Variants in RBFOX2 observed in about 807,000 individuals in gnomAD.
The protein encoded by RBFOX2 is RNA binding fox-1 homolog 2, also known as RNA binding protein fox-1 homolog 2.
RBFOX2 carries 10 observed loss-of-function variants against 49.1 expected under a neutral mutation model. The observed-to-expected ratio is 0.20, with a 90% CI of 0.13 to 0.35. The LOEUF is 0.35. Among genes scored for constraint, RBFOX2 ranks in the 10% least tolerant of loss-of-function variants. RBFOX2 has a pLI of 1.00. For synonymous variants in RBFOX2, 183 were observed against 187.4 expected (o/e 0.98, Z 0.19); for missense variants, 323 against 486.9 (o/e 0.66, Z 3.17).
chr22:35,988,268 C>T (rs1453585586), intron 1 of RBFOX2, among the ~76,000 whole-genome samples: 1 of 152,156 alleles, frequency 6.6e-6, no homozygotes, highest in Non-Finnish European at 1.5e-5. Flanking sequence ...ATCCTATAAT[C>T]CATACAACCA....
At chr22:35,869,768 T>C (rs1032568621) in intron 1 of RBFOX2, among the ~76,000 whole-genome samples, 1 of 152,220 alleles carries the variant, frequency 6.6e-6, no homozygotes, top group Non-Finnish European at 1.5e-5. Flanking sequence ...TCTAATGACA[T>C]ACTTCTACTG....
chr22:35,846,928 G>A (rs1265523774), intron 1 of RBFOX2, among the ~76,000 whole-genome samples: 1 of 152,070 alleles, frequency 6.6e-6, no homozygotes, highest in Non-Finnish European at 1.5e-5. Flanking sequence ...TTCACCACTT[G>A]GATGACAGGT....
chr22:35,753,505 A>T (rs1935725755), intron 9 of RBFOX2, among the ~76,000 whole-genome samples: 1 of 152,206 alleles, frequency 6.6e-6, no homozygotes, highest in Admixed American at 6.5e-5. Flanking sequence ...ATAAGAACTA[A>T]GAAATAATAA....
chr22:35,989,348 G>C (rs944336963), intron 1 of RBFOX2, among the ~76,000 whole-genome samples: 3 of 152,216 alleles, frequency 2.0e-5, no homozygotes, highest in Non-Finnish European at 4.4e-5. Context: ...CTGGCAGACA[G>C]AGGGAGAAAT....
intron 1 of RBFOX2, among the ~76,000 whole-genome samples, chr22:35,990,046 G>C (rs539222648): frequency 6.6e-6 from 1 of 152,274 alleles, no homozygotes; most frequent in Admixed American, 6.5e-5. Context: ...AGCTGGGCAT[G>C]GTAGCACACA....
At chr22:35,813,316 A>C (rs1031156143) in intron 1 of RBFOX2, among the ~76,000 whole-genome samples, 3 of 152,240 alleles carry the variant, frequency 2.0e-5, no homozygotes, top group Non-Finnish European at 2.9e-5. Flanking sequence ...TCAGAAGAGA[A>C]GTACAACAGC....
At chr22:35,772,326 C>T (rs886477608) in intron 4 of RBFOX2, among the ~76,000 whole-genome samples, 2 of 152,062 alleles carry the variant, frequency 1.3e-5, no homozygotes, top group Admixed American at 1.3e-4. Context: ...CTAATAACCA[C>T]ATTTAAAAAG....
At chr22:35,809,892 G>C (rs1478160723) in exon 2 of RBFOX2, 4 of 1,613,972 alleles carry the variant, frequency 2.5e-6, no homozygotes, top group Non-Finnish European at 3.4e-6. Context: ...ATAGTCTTGA[G>C]TGTGTGGCAC....
At chr22:35,920,138 G>A (rs1274494553) in intron 1 of RBFOX2, among the ~76,000 whole-genome samples, 1 of 152,180 alleles carries the variant, frequency 6.6e-6, no homozygotes, top group East Asian at 1.9e-4. Context: ...AAAGCATTTG[G>A]CCAAGTTACT....
At chr22:35,990,949 G>A (rs905535851) in intron 1 of RBFOX2, among the ~76,000 whole-genome samples, 7 of 152,008 alleles carry the variant, frequency 4.6e-5, no homozygotes, top group African/African-American at 7.2e-5. Context: ...TGTAATACAG[G>A]AGAACAAGGA....
intron 1 of RBFOX2, among the ~76,000 whole-genome samples, chr22:35,933,953 T>TATATATATATATATACATAC (rs1009021083): frequency 9.2e-5 from 13 of 141,066 alleles, no homozygotes; most frequent in African/African-American, 3.6e-4. Flanking sequence ...TATATATATA[T>TATATATATATATATACATAC]ACACACATCA....
intron 1 of RBFOX2, among the ~76,000 whole-genome samples, chr22:35,831,410 G>A (rs932589314): frequency 5.3e-4 from 80 of 152,022 alleles, no homozygotes; most frequent in Admixed American, 3.5e-3. Flanking sequence ...TCCAGCCTGG[G>A]TGATAGTGAG....
chr22:35,813,977 A>C (rs1423986052), intron 1 of RBFOX2, among the ~76,000 whole-genome samples: 1 of 152,238 alleles, frequency 6.6e-6, no homozygotes, highest in Non-Finnish European at 1.5e-5. Context: ...TTATGCACTT[A>C]ATTTCCTTCT....
intron 1 of RBFOX2, among the ~76,000 whole-genome samples, chr22:35,923,792 C>T (rs760306285): frequency 9.3e-5 from 14 of 151,180 alleles, no homozygotes; most frequent in Non-Finnish European, 8.8e-5. Context: ...ATACCCATTA[C>T]AGGTATTACA....
At chr22:35,942,307 A>C (rs997066013), upstream of RBFOX2, among the ~76,000 whole-genome samples, 1 of 152,144 alleles carries the variant, frequency 6.6e-6, no homozygotes, top group Non-Finnish European at 1.5e-5. Flanking sequence ...TCTCACACCT[A>C]ATAGTAGGAA....
At chr22:35,944,511 A>G (rs1603451750) in intron 1 of RBFOX2, among the ~76,000 whole-genome samples, 1 of 152,224 alleles carries the variant, frequency 6.6e-6, no homozygotes, top group East Asian at 1.9e-4. Flanking sequence ...TTAAAAATAC[A>G]GTTAAGAGAG....
intron 9 of RBFOX2, among the ~76,000 whole-genome samples, chr22:35,750,717 C>T (rs1398699214): frequency 6.6e-6 from 1 of 152,254 alleles, no homozygotes; most frequent in African/African-American, 2.4e-5. Context: ...CTGCCTGACA[C>T]TGGCAATATA....
upstream of RBFOX2, among the ~76,000 whole-genome samples, chr22:35,940,406 C>A (rs915923163): frequency 2.0e-5 from 3 of 152,132 alleles, no homozygotes; most frequent in African/African-American, 4.8e-5. Context: ...AAAACTCACA[C>A]TCATCAGAAT....
At position 35,777,781 on chromosome 22, in the gene RBFOX2, C is replaced by T. The variant is rs1944289932; in HGVS notation, c.453+244G>A. On this transcript the variant is annotated intron_variant, in intron 4 of 11. Transcript: ENST00000405409. ...CATCTCCTACATCCTGTGTTCTTTA[C>T]GTCCCACTCTTCCCTCAACCTTCTC... is the stretch of plus-strand genomic sequence containing the variant. 6 of 502,100 alleles carry T rather than the reference C, an allele frequency of 1.2e-5. No homozygotes were observed. In the South Asian group the frequency reaches 1.3e-4, roughly 11 times the overall value. 31.1% of individuals were successfully genotyped at this position (502,100 alleles called of 1,614,324 possible).
Sources: gnomAD v4.1 joint callset for allele counts (sites outside exome capture counted in the v4.1 genomes callset) on GRCh38, gnomAD v4.1.1 for gene constraint, MANE v1.5 for transcripts, NCBI Gene and HGNC (gene_info 2026-07-23, HGNC 2026-07-21) for gene names.